The following KRT34 variants were observed in gnomAD, a reference collection of about 807,000 sequenced individuals.
The protein encoded by KRT34 is keratin, type I cuticular Ha4.
A neutral mutation model predicts 41.7 loss-of-function variants in KRT34; 31 were observed. That is an observed-to-expected ratio of 0.74 (90% CI 0.56 to 1.00). The LOEUF is 1.00. Among genes scored for constraint, KRT34 ranks in the 50% least tolerant of loss-of-function variants. The pLI, the probability that KRT34 is intolerant of heterozygous loss-of-function variation, is 0.00. For missense variants in KRT34, 523 were observed against 500.3 expected (o/e 1.05, Z -0.43); for synonymous variants, 224 against 212.9 (o/e 1.05, Z -0.45).
In KRT34 at chr17:41,379,435, A is replaced by C. The variant is rs1597698371; in HGVS notation, c.794T>G (p.Leu265Arg). ...GATGATCTCCGCCTGGCAGGACTGC[A>C]GCTGCTCTGAGCTGGATACCACCTG... Reference protein sequence around the residue: ...NKQVVSSSEQLQSCQAEIIEL... With the variant: ...NKQVVSSSEQRQSCQAEIIEL... Residue 265 changes from leucine (L) to arginine (R), a missense_variant, in exon 5 of 7, where the codon CTG (leucine) becomes CGG (arginine). Physicochemically the swap from Leu to Arg is moderately radical, Grantham distance 102. Transcript: ENST00000394001. 6.2e-7 allele frequency: 1 copy of C among 1,614,130 alleles called. No homozygotes were observed.
In KRT34 at chr17:41,381,921, G is replaced by A; in HGVS notation, c.326C>T (p.Thr109Ile). ...LCPSYQSYFK[T>I]IEELQQKILC... ...CACCTTCTGCTGGAGCTCCTCAATG[G>A]TCTTGAAGTAGGACTGGTAGCTGGG... Residue 109 changes from threonine to isoleucine, a missense_variant, in exon 1 of 7, where the codon ACC (threonine) becomes ATC (isoleucine). Thr to Ile is a moderately conservative substitution (Grantham distance 89, BLOSUM62 -1). Transcript: ENST00000394001. 1 of 1,614,260 alleles carries A rather than the reference G, an allele frequency of 6.2e-7. No individual in the cohort carries two copies.
intron 3 of KRT34, 73 bp downstream of exon 3, chr17:41,380,983 A>G (rs1311052287): frequency 7.0e-7 from 1 of 1,429,126 alleles, no homozygotes; most frequent in Non-Finnish European, 9.9e-7. Flanking sequence ...AGGGATCCAG[A>G]CAGTAATCCT....
At chr17:41,378,393 G>C (rs28752111) in intron 6 of KRT34, among the ~76,000 whole-genome samples, 1 of 152,128 alleles carries the variant, frequency 6.6e-6, no homozygotes, top group Non-Finnish European at 1.5e-5. Context: ...AGGTTCAAGC[G>C]ATTCTCCTGC....
At position 41,379,724 on chromosome 17, in the gene KRT34, T is replaced by C. The variant is rs2144326570; in HGVS notation, c.596A>G (p.Asn199Ser). 4 of 1,599,580 alleles carry C rather than the reference T, an allele frequency of 2.5e-6. No individual in the cohort carries two copies. In the East Asian group the frequency reaches 8.9e-5, roughly 36 times the overall value. Reference protein sequence around the residue: ...CLKKNHEEEVNTLRSQLGDRL... With the variant: ...CLKKNHEEEVSTLRSQLGDRL... ...GTCTCCAAGCTGGGAGCGCAGGGTG[T>C]TAACCTCCTGTTGGAGAAAAGGGAA... is the stretch of plus-strand genomic sequence containing the variant. Residue 199 changes from asparagine (N) to serine (S), a missense_variant, in exon 4 of 7, where the codon AAC becomes AGC. Asn to Ser is a conservative substitution (Grantham distance 46). Coordinates refer to ENST00000394001, the MANE Select transcript of KRT34 (RefSeq NM_001386014.1).
At position 41,381,964 on chromosome 17, in the gene KRT34, G is replaced by C; in HGVS notation, c.283C>G (p.Gln95Glu). 6.2e-7 allele frequency: 1 copy of C among 1,614,290 alleles called. No individual in the cohort carries two copies. Among genetic ancestry groups the C allele is most frequent in the South Asian group, 1.1e-5 (1 of 91,090 alleles). The change falls in exon 1 of 7, where the codon CAG (glutamine) becomes GAG (glutamate). Residue 95 changes from glutamine to glutamate, a missense_variant. By Grantham distance (29) the Gln-to-Glu change is conservative. Coordinates refer to ENST00000394001, the MANE Select transcript of KRT34 (RefSeq NM_001386014.1). ...EKLIQERSQQ[Q>E]EPLLCPSYQS... Reference sequence around the variant, plus strand: ...TAGCTGGGGCACAGCAAGGGCTCCTGCTGCTGGGACCGCTCCTGGATGAGT... The same window carrying C: ...TAGCTGGGGCACAGCAAGGGCTCCTCCTGCTGGGACCGCTCCTGGATGAGT...
chr17:41,383,211 G>T (rs1374665231), upstream of KRT34, among the ~76,000 whole-genome samples: 2 of 152,112 alleles, frequency 1.3e-5, no homozygotes, highest in Non-Finnish European at 2.9e-5. Context: ...CAGAAATGGG[G>T]TTTCACCATG....
chr17:41,381,279 G>C, intron 2 of KRT34, 67 bp from the exon 3 acceptor site: 1 of 1,514,662 alleles, frequency 6.6e-7, no homozygotes, highest in Non-Finnish European at 9.0e-7. Context: ...TGTGTTGTTT[G>C]GGTAGAATTG....
chr17:41,381,084 A>G lies in KRT34; in HGVS notation c.560T>C (p.Leu187Pro). Residue 187 changes from leucine to proline, a missense_variant, in exon 3 of 7, where the codon CTG becomes CCG. Leu to Pro is a moderately conservative substitution (Grantham distance 98). Transcript: ENST00000394001. ...CTCATGGTTCTTCTTCAAGCAGATC[A>G]GCTCCTCCCTCAGGGACTCCACCTG... ...ESQVESLREELICLKKNHEEE... is the reference protein window; with the variant it reads ...ESQVESLREEPICLKKNHEEE... 1 of 1,614,160 alleles carries G rather than the reference A, an allele frequency of 6.2e-7. No homozygotes were observed. The highest frequency in any genetic ancestry group is 1.3e-5 in the African/African-American group (1 of 75,034).
intron 2 of KRT34, 60 bp downstream of exon 2, chr17:41,381,653 A>G (rs1452699269): frequency 7.1e-7 from 1 of 1,410,470 alleles, no homozygotes; most frequent in Non-Finnish European, 9.9e-7. Context: ...CCTCTCTTCC[A>G]GGCAATAGTA....
chr17:41,378,252 T>C (rs2017882903), intron 6 of KRT34, 106 bp from the exon 7 acceptor site: 3 of 776,876 alleles, frequency 3.9e-6, no homozygotes, highest in Non-Finnish European at 6.8e-6. Flanking sequence ...CTGGAGTTAG[T>C]TGGAATCAAG....
chr17:41,381,752 A>G lies in KRT34; in HGVS notation c.392T>C (p.Ile131Thr), dbSNP rs775780633. 2.2e-5 allele frequency: 36 copies of G among 1,614,122 alleles called. No individual in the cohort carries two copies. In the East Asian group the frequency reaches 7.3e-4, roughly 33 times the overall value. The change falls in exon 2 of 7, where the codon ATT (isoleucine) becomes ACT (threonine). Residue 131 changes from isoleucine to threonine, a missense_variant. Physicochemically the swap from Ile to Thr is moderately conservative, Grantham distance 89. Coordinates refer to ENST00000394001, the MANE Select transcript of KRT34 (RefSeq NM_001386014.1). ...KAENARLVVNIDNAKLASDDF... is the reference protein window; with the variant it reads ...KAENARLVVNTDNAKLASDDF... ...GTCAGAGGCCAGCTTGGCATTGTCAATGTTCACCACCAGCCTGGCATTCTC... is the reference window on the plus strand; with the variant it reads ...GTCAGAGGCCAGCTTGGCATTGTCAGTGTTCACCACCAGCCTGGCATTCTC...
rs148874673 is a variant in KRT34 at position 41,379,150 on chromosome 17, C to T, written c.903G>A (p.Thr301=). 191 of 1,614,178 alleles carry T rather than the reference C, an allele frequency of 1.2e-4. No homozygotes were observed. Among genetic ancestry groups the T allele is most frequent in the African/African-American group, 1.1e-3 (80 of 75,058 alleles). ...GGGAGCTGTAGTGGGCCTCGCTCTC[C>T]GTCAGCGTGTTTTCCAGAGAGTCTC... ...NLRDSLENTL[T]ESEAHYSSQL... Residue 301 remains threonine (T), a synonymous_variant, in exon 6 of 7, where the codon ACG becomes ACA. Coordinates refer to ENST00000394001, the MANE Select transcript of KRT34 (RefSeq NM_001386014.1).
chr17:41,379,522 G>C, intron 4 of KRT34, 44 bp from the exon 5 acceptor site: 1 of 1,614,048 alleles, frequency 6.2e-7, no homozygotes, highest in Non-Finnish European at 8.5e-7. Context: ...TGTCTCCAGG[G>C]CCCTGGGGCA....
intron 6 of KRT34, 83 bp downstream of exon 6, chr17:41,378,873 A>T: frequency 6.4e-7 from 1 of 1,555,094 alleles, no homozygotes. Flanking sequence ...TTGCCTGACT[A>T]GTTGAAAACA....
chr17:41,381,975 C>A lies in KRT34; in HGVS notation c.272G>T (p.Arg91Leu), dbSNP rs532669839. The change falls in exon 1 of 7, where the codon CGG becomes CTG. Residue 91 changes from arginine (R) to leucine (L), a missense_variant. By Grantham distance (102) the Arg-to-Leu change is moderately radical. Coordinates refer to ENST00000394001, the MANE Select transcript of KRT34 (RefSeq NM_001386014.1). ...NAELEKLIQE[R>L]SQQQEPLLCP... ...CAGCAAGGGCTCCTGCTGCTGGGAC[C>A]GCTCCTGGATGAGTTTCTCCAGCTC... is the stretch of plus-strand genomic sequence containing the variant. The A allele has an allele frequency of 2.5e-6, 4 of 1,614,280 alleles. No homozygotes were observed. The East Asian group carries it at 6.7e-5, about 27-fold the overall frequency.
rs781274428 is a variant in KRT34 at position 41,381,735 on chromosome 17, C to G, written c.409G>C (p.Ala137Pro). The G allele has an allele frequency of 1.2e-6, 2 of 1,614,214 alleles. No homozygotes were observed. Among genetic ancestry groups the G allele is most frequent in the Admixed American group, 3.3e-5 (2 of 60,022 alleles). ...LVVNIDNAKL[A>P]SDDFRSKYQT... ...TACTTGCTTCTGAAGTCGTCAGAGG[C>G]CAGCTTGGCATTGTCAATGTTCACC... is the stretch of plus-strand genomic sequence containing the variant. Residue 137 changes from alanine (A) to proline (P), a missense_variant, in exon 2 of 7, where the codon GCC (alanine) becomes CCC (proline). Transcript: ENST00000394001.
At chr17:41,378,271 GT>G (rs1043330824) in intron 6 of KRT34, 125 bp from the exon 7 acceptor site, 20 of 682,284 alleles carry the variant, frequency 2.9e-5, no homozygotes, top group Non-Finnish European at 5.2e-5. Context: ...AGTTCTTTTT[GT>G]TTTGTTTTGT....
Position 41,379,431 on chromosome 17 carries a change from C to A in KRT34, c.798G>T (p.Gln266His), listed in dbSNP as rs1328238357. ...GCTCGATGATCTCCGCCTGGCAGGA[C>A]TGCAGCTGCTCTGAGCTGGATACCA... is the stretch of plus-strand genomic sequence containing the variant. Reference protein sequence around the residue: ...KQVVSSSEQLQSCQAEIIELR... With the variant: ...KQVVSSSEQLHSCQAEIIELR... Residue 266 changes from glutamine to histidine, a missense_variant, in exon 5 of 7, where the codon CAG becomes CAT. Physicochemically the swap from Gln to His is conservative, Grantham distance 24. Transcript: ENST00000394001. 7 of 1,614,154 alleles carry A rather than the reference C, an allele frequency of 4.3e-6. No individual in the cohort carries two copies. Among genetic ancestry groups the A allele is most frequent in the South Asian group, 1.1e-5 (1 of 91,082 alleles).
chr17:41,383,277 A>G (rs9904698), upstream of KRT34, among the ~76,000 whole-genome samples: 8,081 of 152,280 alleles, frequency 0.053, 361 homozygotes, highest in African/African-American at 0.12. Context: ...TCGGCCTCCC[A>G]AAGTGCTGGG....
Sources: gnomAD v4.1 joint callset for allele counts (sites outside exome capture counted in the v4.1 genomes callset) on GRCh38, gnomAD v4.1.1 for gene constraint, MANE v1.5 for transcripts, NCBI Gene and HGNC (gene_info 2026-07-23, HGNC 2026-07-21) for gene names.